IMMP2L: variants seen among roughly 807,000 people sequenced by gnomAD.
IMMP2L encodes the protein inner mitochondrial membrane peptidase subunit 2, also known as mitochondrial inner membrane protease subunit 2.
A neutral mutation model predicts 19.3 loss-of-function variants in IMMP2L; 18 were observed. The observed-to-expected ratio is 0.93, with a 90% confidence interval of 0.64 to 1.38. The LOEUF is 1.38. IMMP2L is among the 40% of genes most tolerant of loss of function. IMMP2L has a pLI of 0.00. For missense variants in IMMP2L, 233 were observed against 218.2 expected (o/e 1.07, Z -0.43); for synonymous variants, 76 against 73.0 (o/e 1.04, Z -0.21).
At chr7:111,086,262 A>G (rs938942752) in intron 3 of IMMP2L, among the ~76,000 whole-genome samples, 55 of 146,960 alleles carry the variant, frequency 3.7e-4, no homozygotes, top group African/African-American at 1.3e-3. Context: ...AAAGAAAAAA[A>G]AAAGAAAAAA....
chr7:111,539,269 A>G (rs952692199), intron 1 of IMMP2L, among the ~76,000 whole-genome samples: 1 of 145,200 alleles, frequency 6.9e-6, no homozygotes, highest in Non-Finnish European at 1.5e-5. Context: ...AAAGAAAGAA[A>G]GAGAACATAC....
chr7:111,426,975 T>C lies in IMMP2L; in HGVS notation c.239+60263A>G, dbSNP rs929664051. Among the ~76,000 whole-genome samples the C allele has an allele frequency of 5.3e-5, 8 of 151,242 alleles. 1 individual carries two copies. The highest frequency in any genetic ancestry group is 5.9e-5 in the Non-Finnish European group (4 of 67,678). ...AGGTGAGCCAGAATTCATCTTATTT[T>C]ATGAGTATAGTTACAAAGTCCTAAC... On this transcript the variant is annotated intron_variant, in intron 3 of 5. Coordinates refer to ENST00000405709, the MANE Select transcript of IMMP2L (RefSeq NM_032549.4).
At chr7:110,931,041 C>G (rs571182031) in intron 4 of IMMP2L, among the ~76,000 whole-genome samples, 69 of 152,126 alleles carry the variant, frequency 4.5e-4, no homozygotes, top group Middle Eastern at 3.4e-3. Flanking sequence ...TTTCTGCAGG[C>G]TGAGGACAGG....
chr7:111,477,520 T>C (rs1275289673), intron 3 of IMMP2L, among the ~76,000 whole-genome samples: 1 of 152,200 alleles, frequency 6.6e-6, no homozygotes, highest in African/African-American at 2.4e-5. Context: ...TTTATAGAGA[T>C]GTCATTCAGT....
chr7:110,940,757 C>G (rs1411692996), intron 4 of IMMP2L, among the ~76,000 whole-genome samples: 1 of 152,162 alleles, frequency 6.6e-6, no homozygotes, highest in Non-Finnish European at 1.5e-5. Context: ...AAACAACAAC[C>G]TGAAGTAATT....
At chr7:111,473,522 T>C (rs1473708921) in intron 3 of IMMP2L, among the ~76,000 whole-genome samples, 6 of 152,158 alleles carry the variant, frequency 3.9e-5, no homozygotes, top group Admixed American at 6.6e-5. Flanking sequence ...CTGTTGACTG[T>C]TCTTAGCAAG....
At chr7:111,188,049 G>A (rs1050379751) in intron 3 of IMMP2L, among the ~76,000 whole-genome samples, 1 of 152,062 alleles carries the variant, frequency 6.6e-6, no homozygotes, top group Non-Finnish European at 1.5e-5. Flanking sequence ...AGGAAGGGTT[G>A]GGAACTTCCT....
intron 5 of IMMP2L, among the ~76,000 whole-genome samples, chr7:110,854,344 T>C (rs1044914809): frequency 2.6e-5 from 4 of 152,088 alleles, no homozygotes; most frequent in South Asian, 2.1e-4. Flanking sequence ...ATGAATCCTA[T>C]GGAATGGTAA....
Position 110,825,989 on chromosome 7 carries a change from A to G in IMMP2L, c.408+60604T>C, listed in dbSNP as rs182212174. On this transcript the variant is annotated intron_variant, in intron 5 of 5. Coordinates refer to ENST00000405709, the MANE Select transcript of IMMP2L (RefSeq NM_032549.4). Reference sequence around the variant, plus strand: ...CTAGAAAGTACTCAAACAAATTTACAAGAAAAAAACAAACAACCCCATCAA... The same window carrying G: ...CTAGAAAGTACTCAAACAAATTTACGAGAAAAAAACAAACAACCCCATCAA... Among the ~76,000 whole-genome samples, 209 of 152,318 alleles carry G rather than the reference A, an allele frequency of 1.4e-3. 1 individual carries two copies. The highest frequency in any genetic ancestry group is 4.7e-3 in the African/African-American group (196 of 41,574).
chr7:111,419,334 A>G (rs996374203), intron 3 of IMMP2L, among the ~76,000 whole-genome samples: 9 of 151,672 alleles, frequency 5.9e-5, no homozygotes, highest in Non-Finnish European at 1.2e-4. Context: ...CACTTTTACT[A>G]AAGATTTTTT....
At chr7:111,439,481 G>A (rs1270167832) in intron 3 of IMMP2L, among the ~76,000 whole-genome samples, 1 of 151,898 alleles carries the variant, frequency 6.6e-6, no homozygotes, top group African/African-American at 2.4e-5. Context: ...TGGTTTCACA[G>A]TGTATATAAA....
chr7:110,812,798 T>C (rs755320563), intron 5 of IMMP2L, among the ~76,000 whole-genome samples: 38 of 152,014 alleles, frequency 2.5e-4, no homozygotes, highest in Non-Finnish European at 4.4e-4. Flanking sequence ...AACAGGACAC[T>C]CATTTCGTTT....
intron 1 of IMMP2L, among the ~76,000 whole-genome samples, chr7:111,528,410 A>T (rs1460854037): frequency 1.3e-5 from 2 of 152,210 alleles, no homozygotes; most frequent in African/African-American, 4.8e-5. Context: ...TGAGAAAATT[A>T]TTGCTTAAAA....
chr7:111,381,530 T>C (rs1168445629), intron 3 of IMMP2L, among the ~76,000 whole-genome samples: 2 of 152,016 alleles, frequency 1.3e-5, no homozygotes. Context: ...ATATGCCTTG[T>C]ATAATACATC....
intron 3 of IMMP2L, among the ~76,000 whole-genome samples, chr7:111,430,321 T>A (rs1304283624): frequency 1.3e-5 from 2 of 151,638 alleles, no homozygotes; most frequent in Non-Finnish European, 2.9e-5. Flanking sequence ...AGCTATGGAA[T>A]CTAAAAGTAA....
At chr7:111,058,143 T>C (rs1057210005) in intron 3 of IMMP2L, among the ~76,000 whole-genome samples, 4 of 152,102 alleles carry the variant, frequency 2.6e-5, no homozygotes, top group African/African-American at 9.7e-5. Context: ...ATTTTTCTTT[T>C]ACAAACCCAT....
intron 3 of IMMP2L, among the ~76,000 whole-genome samples, chr7:110,995,457 A>G (rs1246320983): frequency 6.6e-6 from 1 of 152,196 alleles, no homozygotes; most frequent in Non-Finnish European, 1.5e-5. Flanking sequence ...AGGCTATCGA[A>G]GTGATGAGAG....
intron 1 of IMMP2L, among the ~76,000 whole-genome samples, chr7:111,527,458 C>G: frequency 6.7e-6 from 1 of 149,344 alleles, no homozygotes; most frequent in East Asian, 2.0e-4. Context: ...AAGGTTCTTT[C>G]TAAGCCAGAA....
chr7:110,930,285 T>C lies in IMMP2L; in HGVS notation c.305+33215A>G, dbSNP rs577679937. On this transcript the variant is annotated intron_variant, in intron 4 of 5. Coordinates refer to ENST00000405709, the MANE Select transcript of IMMP2L (RefSeq NM_032549.4). The stretch of plus-strand genomic sequence containing the variant: ...AGGTTATCCTCTTAGTTTTGTCCTG[T>C]GGTTTTGGACAATAGTAAACCTTTC... Among the ~76,000 whole-genome samples the C allele has an allele frequency of 1.1e-4, 16 of 152,046 alleles. No individual in the cohort carries two copies. In the South Asian group the frequency reaches 3.3e-3, roughly 32 times the overall value.
Sources: allele counts gnomAD v4.1 joint callset (sites outside exome capture counted in the v4.1 genomes callset), GRCh38; gene constraint gnomAD v4.1.1; transcripts MANE v1.5; gene names NCBI Gene and HGNC (gene_info 2026-07-23, HGNC 2026-07-21).